MECOM: variants seen among roughly 807,000 people sequenced by gnomAD.
MECOM encodes the protein MDS1 and EVI1 complex locus, also known as histone-lysine N-methyltransferase MECOM.
A neutral mutation model predicts 116.3 loss-of-function variants in MECOM; 13 were observed. The ratio of observed to expected loss-of-function variants is 0.11; its 90% CI spans 0.07 to 0.18. The LOEUF (loss-of-function observed/expected upper bound fraction) is 0.18. Ranked by LOEUF, MECOM falls within the 10% of genes least tolerant of loss-of-function variation. The pLI is 1.00. For synonymous variants in MECOM, 528 were observed against 535.2 expected (o/e 0.99, Z 0.19); for missense variants, 1,299 against 1,509.0 (o/e 0.86, Z 2.31).
At chr3:169,110,261 C>T (rs1352366458) in intron 9 of MECOM, among the ~76,000 whole-genome samples, 2 of 152,120 alleles carry the variant, frequency 1.3e-5, no homozygotes, top group Non-Finnish European at 2.9e-5. Flanking sequence ...CTCCTAGATA[C>T]ATGGCATGGC....
intron 2 of MECOM, among the ~76,000 whole-genome samples, chr3:169,378,495 A>G (rs956914864): frequency 0.029 from 978 of 33,972 alleles, 129 homozygotes; most frequent in African/African-American, 0.064. Flanking sequence ...GAGAGAAAGA[A>G]AGAAAGAAAG....
intron 1 of MECOM, among the ~76,000 whole-genome samples, chr3:169,514,472 T>C (rs1398325156): frequency 2.0e-5 from 3 of 152,176 alleles, no homozygotes; most frequent in Non-Finnish European, 4.4e-5. Context: ...TTTGAGGATG[T>C]ATAATTAAGC....
chr3:169,473,168 G>A (rs1749823075), intron 1 of MECOM, among the ~76,000 whole-genome samples: 1 of 152,124 alleles, frequency 6.6e-6, no homozygotes. Flanking sequence ...TTCTACATTA[G>A]ATCTCTAAGG....
chr3:169,557,668 C>T (rs1264713065), intron 1 of MECOM, among the ~76,000 whole-genome samples: 2 of 152,180 alleles, frequency 1.3e-5, no homozygotes, highest in Non-Finnish European at 2.9e-5. Flanking sequence ...ATTTGCATAT[C>T]ACTAACAAGT....
chr3:169,248,624 A>C (rs986499533), intron 2 of MECOM, among the ~76,000 whole-genome samples: 1 of 152,142 alleles, frequency 6.6e-6, no homozygotes, highest in African/African-American at 2.4e-5. Context: ...CCTAACACCC[A>C]ATGCCTGAGA....
chr3:169,219,197 A>G (rs1751786104), intron 2 of MECOM, among the ~76,000 whole-genome samples: 1 of 152,114 alleles, frequency 6.6e-6, no homozygotes, highest in African/African-American at 2.4e-5. Flanking sequence ...ATCAATCTAT[A>G]TTAGGTCCTT....
At chr3:169,225,326 T>C (rs568032965) in intron 2 of MECOM, among the ~76,000 whole-genome samples, 7 of 152,330 alleles carry the variant, frequency 4.6e-5, no homozygotes, top group African/African-American at 1.2e-4. Flanking sequence ...TCTGCTGCCC[T>C]GGCTGCTTAG....
chr3:169,352,618 C>T (rs1456438585), intron 2 of MECOM, among the ~76,000 whole-genome samples: 1 of 151,784 alleles, frequency 6.6e-6, no homozygotes, highest in African/African-American at 2.4e-5. Flanking sequence ...TTTTTAATGT[C>T]TAATTTCATA....
intron 2 of MECOM, among the ~76,000 whole-genome samples, chr3:169,253,682 C>CA: frequency 6.6e-6 from 1 of 152,060 alleles, no homozygotes; most frequent in East Asian, 1.9e-4. Flanking sequence ...TTGCAGAACA[C>CA]TTTTTTCCCC....
In MECOM at chr3:169,122,800, C is replaced by T. The variant is rs191358961; in HGVS notation, c.831-73G>A. On this transcript the variant is annotated intron_variant, in intron 5 of 16. Coordinates refer to ENST00000651503, the MANE Select transcript of MECOM (RefSeq NM_004991.4). ...ACGGAACAACATTTTATTGTTAATC[C>T]AACTGGTAATTAAAGAAACAAGAAG... 6.2e-5 allele frequency: 94 copies of T among 1,513,666 alleles called. 1 individual carries two copies. In the African/African-American group the frequency reaches 1.1e-3, roughly 17 times the overall value. 93.8% of individuals were successfully genotyped at this position (1,513,666 alleles called of 1,614,324 possible).
intron 2 of MECOM, among the ~76,000 whole-genome samples, chr3:169,358,981 A>C (rs1260380776): frequency 1.3e-5 from 2 of 151,680 alleles, no homozygotes; most frequent in Non-Finnish European, 3.0e-5. Flanking sequence ...ATTTTTCTCA[A>C]CTGGAACTAA....
intron 1 of MECOM, among the ~76,000 whole-genome samples, chr3:169,543,996 C>A (rs1760413469): frequency 6.6e-6 from 1 of 152,206 alleles, no homozygotes; most frequent in Non-Finnish European, 1.5e-5. Flanking sequence ...AGTGATCCTC[C>A]TGCTTCAACC....
intron 1 of MECOM, among the ~76,000 whole-genome samples, chr3:169,566,317 G>A: frequency 6.6e-6 from 1 of 152,170 alleles, no homozygotes; most frequent in East Asian, 1.9e-4. Context: ...ACCTGGGCAT[G>A]CACCTTGTGG....
At chr3:169,640,943 T>C (rs952159867) in intron 1 of MECOM, among the ~76,000 whole-genome samples, 2 of 152,064 alleles carry the variant, frequency 1.3e-5, no homozygotes, top group African/African-American at 4.8e-5. Context: ...GGGATAAGGG[T>C]CAATGCATTC....
In MECOM at chr3:169,661,155, C is replaced by T. The variant is rs551669213; in HGVS notation, c.37+2181G>A. Reference sequence around the variant, plus strand: ...AATTAAAATAGTTGAAAAAGTTGCTCAAGAAAATTCGAAGGGTTTTGTGTT... The same window carrying T: ...AATTAAAATAGTTGAAAAAGTTGCTTAAGAAAATTCGAAGGGTTTTGTGTT... On this transcript the variant is annotated intron_variant, in intron 1 of 16. Coordinates refer to ENST00000651503, the MANE Select transcript of MECOM (RefSeq NM_004991.4). Among the ~76,000 whole-genome samples the T allele has an allele frequency of 9.9e-5, 15 of 152,274 alleles. No individual in the cohort carries two copies. In the East Asian group the frequency reaches 2.7e-3, roughly 27 times the overall value.
At chr3:169,627,052 A>G (rs1274200593) in intron 1 of MECOM, among the ~76,000 whole-genome samples, 1 of 152,214 alleles carries the variant, frequency 6.6e-6, no homozygotes, top group South Asian at 2.1e-4. Context: ...TTAAAGAAGG[A>G]TCAATCAATT....
intron 1 of MECOM, among the ~76,000 whole-genome samples, chr3:169,484,854 A>T (rs1016413973): frequency 9.3e-6 from 1 of 107,022 alleles, no homozygotes; most frequent in African/African-American, 3.9e-5. Context: ...ACCAGCTCAG[A>T]TATATCAGTA....
At chr3:169,149,706 A>G (rs547748606) in intron 2 of MECOM, 5 of 468,508 alleles carry the variant, frequency 1.1e-5, no homozygotes, top group Non-Finnish European at 2.1e-5. Flanking sequence ...TCTCTTCCCC[A>G]AATACAACCA....
chr3:169,152,507 C>T (rs1475309872), intron 2 of MECOM, among the ~76,000 whole-genome samples: 1 of 152,156 alleles, frequency 6.6e-6, no homozygotes, highest in Non-Finnish European at 1.5e-5. Context: ...CTCGAGGATT[C>T]AGGCATGTTT....
Sources: gnomAD v4.1 joint callset for allele counts (sites outside exome capture counted in the v4.1 genomes callset) on GRCh38, gnomAD v4.1.1 for gene constraint, MANE v1.5 for transcripts, NCBI Gene and HGNC (gene_info 2026-07-23, HGNC 2026-07-21) for gene names.